Variants in DNMT3B observed in about 807,000 individuals in gnomAD.
DNMT3B encodes DNA methyltransferase 3 beta, also known as DNA (cytosine-5)-methyltransferase 3B.
Under a neutral mutation model 120.2 loss-of-function variants are expected in DNMT3B, and 37 were observed. The observed-to-expected ratio is 0.31, with a 90% confidence interval of 0.24 to 0.40. The LOEUF is 0.40. Among genes scored for constraint, DNMT3B ranks in the 10% least tolerant of loss-of-function variants. The pLI is 1.00. For missense variants in DNMT3B, 878 were observed against 1,137.3 expected (o/e 0.77, Z 3.28); for synonymous variants, 412 against 442.8 (o/e 0.93, Z 0.87).
chr20:32,806,333 C>A lies in DNMT3B; in HGVS notation c.2420+6C>A. ...TGGTGCACTGAGCTCGAAAGGTGAG[C>A]AAGGCTGCACTTGGAGAGGGAAACT... On this transcript the variant is annotated splice_donor_region_variant and intron_variant, in intron 22 of 22. Coordinates refer to ENST00000328111, the MANE Select transcript of DNMT3B (RefSeq NM_006892.4). 1 of 1,613,346 alleles carries A rather than the reference C, an allele frequency of 6.2e-7. No individual in the cohort carries two copies. The highest frequency in any genetic ancestry group is 1.1e-5 in the South Asian group (1 of 91,054).
intron 1 of DNMT3B, among the ~76,000 whole-genome samples, chr20:32,764,908 G>T (rs1266441773): frequency 6.6e-6 from 1 of 152,202 alleles, no homozygotes; most frequent in African/African-American, 2.4e-5. Flanking sequence ...CTCCAGCCAC[G>T]TGGGGCCTGT....
rs553395390 is a variant in DNMT3B at position 32,784,654 on chromosome 20, C to G, written c.205-104C>G. ...TGTTGTGATGAGTGACCCGGTCTCCCTGCCAGGCACAGGCGATCAGTCTTT... is the reference window on the plus strand; with the variant it reads ...TGTTGTGATGAGTGACCCGGTCTCCGTGCCAGGCACAGGCGATCAGTCTTT... On this transcript the variant is annotated intron_variant, in intron 3 of 22. Coordinates refer to ENST00000328111, the MANE Select transcript of DNMT3B (RefSeq NM_006892.4). The G allele has an allele frequency of 4.7e-6, 6 of 1,287,914 alleles. No homozygotes were observed. The South Asian group carries it at 6.2e-5, about 13-fold the overall frequency. The allele number at this position is 1,287,914 out of a possible 1,614,324, so 79.8% of individuals were successfully genotyped here. A position where few individuals can be genotyped will look rare whatever the true frequency, so the allele number is the denominator to read the frequency against.
chr20:32,780,263 T>A, intron 1 of DNMT3B, 55 bp from the exon 2 acceptor site: 1 of 1,613,502 alleles, frequency 6.2e-7, no homozygotes, highest in Non-Finnish European at 8.5e-7. Flanking sequence ...GGGAACACTG[T>A]CCCTCTCATG....
At position 32,792,665 on chromosome 20, in the gene DNMT3B, C is replaced by T. The variant is rs757945003; in HGVS notation, c.961C>T (p.Pro321Ser). The T allele has an allele frequency of 3.7e-6, 6 of 1,614,266 alleles. No homozygotes were observed. The highest frequency in any genetic ancestry group is 5.1e-6 in the Non-Finnish European group (6 of 1,180,040). ...AGCTGGCAAGACCTTCCCCAGCAGC[C>T]CTGGAGACTCATTGGAGGACCAGCT... ...VRAGKTFPSS[P>S]GDSLEDQLKP... is the part of the protein sequence containing the mutation. Residue 321 changes from proline to serine, a missense_variant, in exon 9 of 23, where the codon CCT becomes TCT. Around this residue, in one of 4 missense-constraint regions of DNMT3B, gnomAD observed 207 missense variants for 222.6 expected, o/e 0.93. Coordinates refer to ENST00000328111, the MANE Select transcript of DNMT3B (RefSeq NM_006892.4).
chr20:32,796,925 C>T (rs889646925), intron 13 of DNMT3B, 56 bp downstream of exon 13: 13 of 1,614,048 alleles, frequency 8.1e-6, no homozygotes, highest in African/African-American at 1.3e-5. Flanking sequence ...TCTAACTCCC[C>T]TCTCCTTCCC....
intron 10 of DNMT3B, among the ~76,000 whole-genome samples, chr20:32,794,525 A>G (rs1980386229): frequency 1.3e-5 from 2 of 151,990 alleles, no homozygotes; most frequent in African/African-American, 4.8e-5. Flanking sequence ...CTAAAATACA[A>G]AAATTAGCCA....
chr20:32,796,088 T>C (rs978611450), intron 12 of DNMT3B, among the ~76,000 whole-genome samples: 2 of 152,192 alleles, frequency 1.3e-5, no homozygotes, highest in Admixed American at 1.3e-4. Flanking sequence ...GATTGGATAC[T>C]CTGATCAGAA....
chr20:32,803,228 A>G (rs180969875), intron 20 of DNMT3B, among the ~76,000 whole-genome samples: 84 of 152,350 alleles, frequency 5.5e-4, no homozygotes, highest in Admixed American at 5.2e-3. Context: ...TTTCTTCTAT[A>G]TGTGGTTTCA....
At position 32,800,177 on chromosome 20, in the gene DNMT3B, G is replaced by A; in HGVS notation, c.1784G>A (p.Gly595Asp). The change falls in exon 17 of 23, where the codon GGC becomes GAC. Residue 595 changes from glycine (G) to aspartate (D), a missense_variant. Coordinates refer to ENST00000328111, the MANE Select transcript of DNMT3B (RefSeq NM_006892.4). ...ATGYLVLKEL[G>D]IKVGKYVASE... ...GGCTACCTAGTCCTCAAAGAGTTGG[G>A]CATAAAGGTAGGAAAGTACGTCGCT... 1 of 1,614,212 alleles carries A rather than the reference G, an allele frequency of 6.2e-7. No individual in the cohort carries two copies. The highest frequency in any genetic ancestry group is 8.5e-7 in the Non-Finnish European group (1 of 1,180,054).
Position 32,762,675 on chromosome 20 carries a change from C to T in DNMT3B, c.-31C>T. 1 of 204,392 alleles carries T rather than the reference C, an allele frequency of 4.9e-6. No individual in the cohort carries two copies. Among genetic ancestry groups the T allele is most frequent in the Non-Finnish European group, 9.7e-6 (1 of 103,240 alleles). The allele number at this position is 204,392 out of a possible 1,614,324, so 12.7% of individuals were successfully genotyped here. On this transcript the variant is annotated 5_prime_UTR_variant, in exon 1 of 23. Transcript: ENST00000328111. ...CCGACCCGCGGCTCCGCCGCCCAGC[C>T]GCGCCCCAGCCAGCCCTGCGGCAGG... is the stretch of plus-strand genomic sequence containing the variant.
chr20:32,776,095 G>GGC (rs1733534686), intron 1 of DNMT3B, among the ~76,000 whole-genome samples: 2 of 152,168 alleles, frequency 1.3e-5, no homozygotes, highest in South Asian at 4.1e-4. Context: ...CAGGCATGGT[G>GGC]GTGCAAGTCT....
rs764811687 is a variant in DNMT3B at position 32,781,377 on chromosome 20, C to T, written c.167C>T (p.Ser56Phe). The change falls in exon 3 of 23, where the codon TCC becomes TTC. Residue 56 changes from serine (S) to phenylalanine (F), a missense_variant. Physicochemically the swap from Ser to Phe is radical, Grantham distance 155. Coordinates refer to ENST00000328111, the MANE Select transcript of DNMT3B (RefSeq NM_006892.4). Reference protein sequence around the residue: ...IRGRRSSSRLSKREVSSLLSY... With the variant: ...IRGRRSSSRLFKREVSSLLSY... ...GGCCGAAGATCAAGCTCGCGACTCTCCAAGAGGGAGGTGTCCAGTCTGCTA... is the reference window on the plus strand; with the variant it reads ...GGCCGAAGATCAAGCTCGCGACTCTTCAAGAGGGAGGTGTCCAGTCTGCTA... 3.2e-5 allele frequency: 51 copies of T among 1,614,066 alleles called. No individual in the cohort carries two copies. The highest frequency in any genetic ancestry group is 4.3e-5 in the Non-Finnish European group (51 of 1,180,038).
chr20:32,791,565 C>T, intron 7 of DNMT3B, 36 bp from the exon 8 acceptor site: 1 of 1,606,450 alleles, frequency 6.2e-7, no homozygotes, highest in Non-Finnish European at 8.5e-7. Context: ...TGGGACACAC[C>T]TGTAGGTGGA....
At chr20:32,768,006 A>T (rs1042224446) in intron 1 of DNMT3B, among the ~76,000 whole-genome samples, 13 of 152,158 alleles carry the variant, frequency 8.5e-5, no homozygotes, top group African/African-American at 2.9e-4. Context: ...CGTTTGCTGC[A>T]GCCAGAACAG....
intron 7 of DNMT3B, among the ~76,000 whole-genome samples, chr20:32,790,744 C>A (rs1326488610): frequency 1.3e-5 from 2 of 152,230 alleles, no homozygotes; most frequent in Admixed American, 6.5e-5. Flanking sequence ...TGTCTTGGCT[C>A]ACTGCAGCCT....
rs760640013 is a variant in DNMT3B, at chr20:32,781,370, C to A, written c.160C>A (p.Arg54=). ...PEIRGRRSSS[R]LSKREVSSLL... is the part of the protein sequence containing the mutation. Reference sequence around the variant, plus strand: ...CTCTACAGGCCGAAGATCAAGCTCGCGACTCTCCAAGAGGGAGGTGTCCAG... The same window carrying A: ...CTCTACAGGCCGAAGATCAAGCTCGAGACTCTCCAAGAGGGAGGTGTCCAG... Residue 54 remains arginine, a synonymous_variant, in exon 3 of 23, where the codon CGA becomes AGA. Transcript: ENST00000328111. 2 of 1,614,142 alleles carry A rather than the reference C, an allele frequency of 1.2e-6. No individual in the cohort carries two copies. Among genetic ancestry groups the A allele is most frequent in the African/African-American group, 1.3e-5 (1 of 75,022 alleles).
chr20:32,774,133 G>A (rs1476119542), intron 1 of DNMT3B, among the ~76,000 whole-genome samples: 3 of 151,846 alleles, frequency 2.0e-5, no homozygotes, highest in Non-Finnish European at 4.4e-5. Flanking sequence ...CTGCTGCCTG[G>A]ATCCTTCCCG....
At chr20:32,795,598 A>C (rs368955926) in intron 11 of DNMT3B, 52 bp from the exon 12 acceptor site, 4 of 1,614,062 alleles carry the variant, frequency 2.5e-6, no homozygotes, top group Non-Finnish European at 3.4e-6. Flanking sequence ...TCAGGAATTG[A>C]TCTGTACCCG....
intron 4 of DNMT3B, 62 bp from the exon 5 acceptor site, chr20:32,786,440 C>A: frequency 6.2e-7 from 1 of 1,611,532 alleles, no homozygotes; most frequent in Non-Finnish European, 8.5e-7. Context: ...ATCCTTCTGG[C>A]CCCGCCAGAC....
Sources: gnomAD v4.1 joint callset for allele counts (sites outside exome capture counted in the v4.1 genomes callset) on GRCh38, gnomAD v4.1.1 for gene constraint, gnomAD v4.1.1 regional missense constraint, MANE v1.5 for transcripts, NCBI Gene and HGNC (gene_info 2026-07-23, HGNC 2026-07-21) for gene names.